FBXL7: variants seen among roughly 807,000 people sequenced by gnomAD.
The protein encoded by FBXL7 is F-box/LRR-repeat protein 7.
Under a neutral mutation model 38.3 loss-of-function variants are expected in FBXL7, and 12 were observed. The observed-to-expected ratio is 0.31, with a 90% CI of 0.20 to 0.51. FBXL7 has a LOEUF of 0.51. Ranked by LOEUF, FBXL7 falls within the 20% of genes least tolerant of loss-of-function variation. The probability of loss-of-function intolerance (pLI) is 0.98; values close to 1 mark genes in which losing one functional copy is unlikely to be tolerated. For synonymous variants in FBXL7, 297 were observed against 300.9 expected, an observed-to-expected ratio of 0.99 and a Z score of 0.13; for missense variants, 567 against 676.4, an observed-to-expected ratio of 0.84 and a Z score of 1.79.
intron 2 of FBXL7, among the ~76,000 whole-genome samples, chr5:15,917,694 GAAGA>G (rs1206975168): frequency 4.4e-4 from 62 of 140,494 alleles, no homozygotes; most frequent in African/African-American, 1.4e-3. Context: ...AGGAAGGAAG[GAAGA>G]AAGAAAGGAA....
At chr5:15,695,828 C>T (rs1235676086) in intron 2 of FBXL7, among the ~76,000 whole-genome samples, 1 of 152,156 alleles carries the variant, frequency 6.6e-6, no homozygotes, top group African/African-American at 2.4e-5. Context: ...AAGCTTTTAA[C>T]CCCTATGCCA....
chr5:15,625,618 C>G (rs1740788128), intron 2 of FBXL7, among the ~76,000 whole-genome samples: 2 of 152,170 alleles, frequency 1.3e-5, no homozygotes, highest in Non-Finnish European at 2.9e-5. Context: ...TACACCACTG[C>G]ACACCAGCCT....
chr5:15,802,666 T>A (rs1737601605), intron 2 of FBXL7, among the ~76,000 whole-genome samples: 1 of 152,038 alleles, frequency 6.6e-6, no homozygotes, highest in Admixed American at 6.6e-5. Flanking sequence ...CTTTTTTTTT[T>A]TTTTAAAGAC....
At chr5:15,687,108 A>G (rs964987904) in intron 2 of FBXL7, among the ~76,000 whole-genome samples, 1 of 152,252 alleles carries the variant, frequency 6.6e-6, no homozygotes, top group Non-Finnish European at 1.5e-5. Flanking sequence ...TCCTGCTCCC[A>G]TTAAAAAGCA....
At chr5:15,919,274 T>A (rs12653963) in intron 2 of FBXL7, among the ~76,000 whole-genome samples, 52,969 of 152,042 alleles carry the variant, frequency 0.35, 9,551 homozygotes, top group Admixed American at 0.52. Flanking sequence ...TGGTTTGAAA[T>A]TAAAAATTTG....
At chr5:15,734,660 C>A (rs2126667686) in intron 2 of FBXL7, among the ~76,000 whole-genome samples, 1 of 152,252 alleles carries the variant, frequency 6.6e-6, no homozygotes, top group African/African-American at 2.4e-5. Flanking sequence ...ATTCTTTAAT[C>A]TCCTCTTTCT....
At position 15,936,769 on chromosome 5, in the gene FBXL7, G is replaced by C; in HGVS notation, c.1059G>C (p.Arg353=). The C allele has an allele frequency of 6.2e-7, 1 of 1,611,236 alleles. No individual in the cohort carries two copies. Among genetic ancestry groups the C allele is most frequent in the Non-Finnish European group, 8.5e-7 (1 of 1,179,398 alleles). The change falls in exon 4 of 4, where the codon CGG becomes CGC. Residue 353 remains arginine (R), a synonymous_variant. Coordinates refer to ENST00000504595, the MANE Select transcript of FBXL7 (RefSeq NM_012304.5). The surrounding 1 kb of genome is among the most constrained non-coding windows in gnomAD (Gnocchi z 6.0). The stretch of plus-strand genomic sequence containing the variant: ...TCGCCAAGCTGGAGTCCCGCCTGCG[G>C]TACCTGAGCATCGCGCACTGCGGCC... The part of the protein sequence containing the change: ...REIAKLESRL[R]YLSIAHCGRV...
chr5:15,801,634 AGTGT>A (rs71605509), intron 2 of FBXL7, among the ~76,000 whole-genome samples: 22 of 147,786 alleles, frequency 1.5e-4, no homozygotes, highest in South Asian at 1.1e-3. Context: ...AGGGGGAGTC[AGTGT>A]GTGTGTGTGT....
At chr5:15,687,586 G>A (rs1216213922) in intron 2 of FBXL7, among the ~76,000 whole-genome samples, 1 of 152,150 alleles carries the variant, frequency 6.6e-6, no homozygotes, top group African/African-American at 2.4e-5. Flanking sequence ...AACTACCATT[G>A]TTCTCAACTG....
chr5:15,736,635 G>T (rs1357725184), intron 2 of FBXL7, among the ~76,000 whole-genome samples: 1 of 152,088 alleles, frequency 6.6e-6, no homozygotes, highest in African/African-American at 2.4e-5. Context: ...TTCTCCATTT[G>T]GCTGATTTTA....
intron 2 of FBXL7, among the ~76,000 whole-genome samples, chr5:15,689,270 T>C (rs1372589051): frequency 6.7e-6 from 1 of 149,004 alleles, no homozygotes; most frequent in Non-Finnish European, 1.5e-5. Flanking sequence ...ATTTTCAGTT[T>C]TTTTTTTTTT....
intron 2 of FBXL7, among the ~76,000 whole-genome samples, chr5:15,783,355 G>A (rs970167787): frequency 6.6e-6 from 1 of 152,204 alleles, no homozygotes; most frequent in African/African-American, 2.4e-5. Flanking sequence ...GGTCCTGGGT[G>A]TGACACTGAG....
At chr5:15,893,078 T>C (rs1740977214) in intron 2 of FBXL7, among the ~76,000 whole-genome samples, 1 of 148,096 alleles carries the variant, frequency 6.8e-6, no homozygotes. Context: ...ATCACGCCAC[T>C]GCACTCCAGC....
chr5:15,612,600 G>C (rs572701772), intron 1 of FBXL7, among the ~76,000 whole-genome samples: 7 of 152,212 alleles, frequency 4.6e-5, no homozygotes, highest in Admixed American at 6.5e-5. Context: ...CTTTATAAGA[G>C]AGTCCTGCCA....
At chr5:15,742,942 A>G (rs921848257) in intron 2 of FBXL7, among the ~76,000 whole-genome samples, 1 of 152,122 alleles carries the variant, frequency 6.6e-6, no homozygotes, top group Non-Finnish European at 1.5e-5. Context: ...CCCTTACAAA[A>G]CCATCAGATC....
chr5:15,888,599 A>G (rs1019467134), intron 2 of FBXL7, among the ~76,000 whole-genome samples: 21 of 152,058 alleles, frequency 1.4e-4, no homozygotes, highest in Non-Finnish European at 5.9e-5. Flanking sequence ...TTGTAAAGTG[A>G]TTTTTTAAAC....
chr5:15,577,589 G>A (rs1478125058), intron 1 of FBXL7, among the ~76,000 whole-genome samples: 1 of 135,748 alleles, frequency 7.4e-6, no homozygotes, highest in African/African-American at 2.9e-5. Context: ...ACTATGTAAT[G>A]CATTTTGTGT....
At chr5:15,760,123 A>G (rs1579440308) in intron 2 of FBXL7, among the ~76,000 whole-genome samples, 2 of 152,208 alleles carry the variant, frequency 1.3e-5, no homozygotes, top group East Asian at 3.9e-4. Context: ...AAAGTCACAA[A>G]GCAGGTTTGA....
chr5:15,578,514 C>T (rs531149393), intron 1 of FBXL7, among the ~76,000 whole-genome samples: 2 of 152,248 alleles, frequency 1.3e-5, no homozygotes, highest in African/African-American at 4.8e-5. Context: ...AAAGTCTCAA[C>T]ACACTAACCC....
Sources: gnomAD v4.1 joint callset for allele counts (sites outside exome capture counted in the v4.1 genomes callset) on GRCh38, gnomAD v4.1.1 for gene constraint, Gnocchi (gnomAD v3.1) non-coding constraint, MANE v1.5 for transcripts, NCBI Gene and HGNC (gene_info 2026-07-23, HGNC 2026-07-21) for gene names.